EXD2: variants seen among roughly 807,000 people sequenced by gnomAD.
The protein encoded by EXD2 is exonuclease 3'-5' domain-containing protein 2.
A neutral mutation model predicts 62.5 loss-of-function variants in EXD2; 40 were observed. The observed-to-expected ratio is 0.64, with a 90% CI of 0.50 to 0.83. EXD2 has a LOEUF of 0.83. Ranked by LOEUF, EXD2 falls within the 40% of genes least tolerant of loss-of-function variation. EXD2 has a pLI of 0.00. For missense variants in EXD2, 671 were observed against 761.8 expected (o/e 0.88, Z 1.40); for synonymous variants, 239 against 291.9 (o/e 0.82, Z 1.85).
intron 2 of EXD2, among the ~76,000 whole-genome samples, chr14:69,208,521 C>A (rs1255081274): frequency 6.6e-6 from 1 of 152,180 alleles, no homozygotes; most frequent in African/African-American, 2.4e-5. Context: ...AGGCCACTTA[C>A]TATTTACTGT....
chr14:69,208,385 T>G (rs2042687030), intron 2 of EXD2, among the ~76,000 whole-genome samples: 1 of 151,698 alleles, frequency 6.6e-6, no homozygotes, highest in Non-Finnish European at 1.5e-5. Flanking sequence ...TAATTTCTTG[T>G]CTTTTTAGTA....
chr14:69,228,972 G>A lies in EXD2; in HGVS notation c.490G>A (p.Val164Ile), dbSNP rs1384302979. The A allele has an allele frequency of 1.2e-6, 2 of 1,614,140 alleles. No homozygotes were observed. The highest frequency in any genetic ancestry group is 8.5e-7 in the Non-Finnish European group (1 of 1,180,048). ...DILADGTILK[V>I]GVGCSEDASK... ...TTTGGCAGATGGCACCATTTTGAAAGTTGGAGTGGGATGCTCAGAAGATGC... is the reference window on the plus strand; with the variant it reads ...TTTGGCAGATGGCACCATTTTGAAAATTGGAGTGGGATGCTCAGAAGATGC... The change falls in exon 4 of 10, where the codon GTT becomes ATT. Residue 164 changes from valine (V) to isoleucine (I), a missense_variant. Coordinates refer to ENST00000685843, the MANE Select transcript of EXD2 (RefSeq NM_001193360.2).
At position 69,241,013 on chromosome 14, in the gene EXD2, GC is replaced by G. The variant is rs2043967380; in HGVS notation, c.1780del (p.His594ThrfsTer36). On this transcript the variant is annotated frameshift_variant, in exon 10 of 10. Transcript: ENST00000685843. LOFTEE classifies it high-confidence loss of function. Reference sequence around the variant, plus strand: ...ACTTCCTGGACTCCATGCAGCCCAAGCACCTGCCCCAGCAGTGGTCAGTGGA... The same window carrying G: ...ACTTCCTGGACTCCATGCAGCCCAAGACCTGCCCCAGCAGTGGTCAGTGGA... ...QHFLDSMQPK[H>X]LPQQWSVDHN... 6.2e-7 allele frequency: 1 copy of G among 1,613,032 alleles called. No homozygotes were observed. Among genetic ancestry groups the G allele is most frequent in the Non-Finnish European group, 8.5e-7 (1 of 1,180,046 alleles).
chr14:69,194,391 G>A (rs1364684263), intron 1 of EXD2, among the ~76,000 whole-genome samples: 5 of 152,060 alleles, frequency 3.3e-5, no homozygotes, highest in Admixed American at 3.3e-4. Flanking sequence ...ACCTGCCTCG[G>A]CCTCCCAAAG....
intron 3 of EXD2, among the ~76,000 whole-genome samples, chr14:69,210,481 A>G (rs931956518): frequency 2.0e-5 from 3 of 152,190 alleles, no homozygotes; most frequent in South Asian, 2.1e-4. Context: ...AGTGAGTTAC[A>G]TGAGTTTTTT....
intron 1 of EXD2, among the ~76,000 whole-genome samples, chr14:69,192,954 C>T (rs1339820004): frequency 6.6e-6 from 1 of 152,108 alleles, no homozygotes; most frequent in Non-Finnish European, 1.5e-5. Flanking sequence ...GAGCATTTCT[C>T]AAGGATGGGT....
chr14:69,243,885 C>A lies in EXD2; in HGVS notation c.*2785C>A, dbSNP rs1410533416. ...CATTGTGTTTGCAGGTTCAGCATTT[C>A]TTCTTGAGTCCTTCCCTTCTTCCAA... is the stretch of plus-strand genomic sequence containing the variant. On this transcript the variant is annotated 3_prime_UTR_variant, in exon 10 of 10. Transcript: ENST00000685843. 2 of 152,186 alleles carry A rather than the reference C, an allele frequency of 1.3e-5. No individual in the cohort carries two copies. Among genetic ancestry groups the A allele is most frequent in the Non-Finnish European group, 2.9e-5 (2 of 68,050 alleles). 9.4% of individuals were successfully genotyped at this position (152,186 alleles called of 1,614,324 possible).
In EXD2 at chr14:69,218,298, T is replaced by C. The variant is rs1594755996; in HGVS notation, c.333+8495T>C. Among the ~76,000 whole-genome samples, 3 of 152,232 alleles carry C rather than the reference T, an allele frequency of 2.0e-5. No homozygotes were observed. The East Asian group carries it at 5.8e-4, about 29-fold the overall frequency. ...CTCTGATGGCCCGTGATGATGAACA[T>C]TTTTTCATGTGTCTTTTGGCTGCAT... On this transcript the variant is annotated intron_variant, in intron 3 of 9. Transcript: ENST00000685843.
intron 6 of EXD2, chr14:69,235,662 C>A: frequency 3.4e-6 from 1 of 293,470 alleles, no homozygotes; most frequent in South Asian, 3.2e-5. Flanking sequence ...GAAGTAAATC[C>A]ACATGGCCCT....
At chr14:69,202,583 C>CTTA (rs1374633691) in intron 1 of EXD2, among the ~76,000 whole-genome samples, 1 of 151,932 alleles carries the variant, frequency 6.6e-6, no homozygotes, top group Non-Finnish European at 1.5e-5. Flanking sequence ...CAGTGTCTGA[C>CTTA]TTATATAATG....
At chr14:69,210,633 C>T (rs762133650) in intron 3 of EXD2, among the ~76,000 whole-genome samples, 2 of 151,994 alleles carry the variant, frequency 1.3e-5, no homozygotes, top group African/African-American at 2.4e-5. Context: ...GTCAGCATAG[C>T]GAGACTCCAT....
In EXD2 at chr14:69,201,886, T is replaced by C. The variant is rs548827881; in HGVS notation, c.-131-2031T>C. On this transcript the variant is annotated intron_variant, in intron 1 of 9. Transcript: ENST00000685843. ...TTAGTAGAGATGGGGTTTCACCATA[T>C]TGGTCAGCTGGTGTTGAACTCCTGA... Among the ~76,000 whole-genome samples, 6 of 152,032 alleles carry C rather than the reference T, an allele frequency of 3.9e-5. No homozygotes were observed. The South Asian group carries it at 1.2e-3, about 32-fold the overall frequency.
chr14:69,202,481 C>T (rs1175709253), intron 1 of EXD2, among the ~76,000 whole-genome samples: 1 of 152,162 alleles, frequency 6.6e-6, no homozygotes, highest in African/African-American at 2.4e-5. Context: ...CCACTCTTTG[C>T]AACTTGTTCA....
chr14:69,209,352 T>A (rs1175860393), intron 2 of EXD2, 72 bp from the exon 3 acceptor site: 1 of 809,378 alleles, frequency 1.2e-6, no homozygotes, highest in Non-Finnish European at 1.8e-6. Context: ...TGGGGCATTT[T>A]TTAGAGGAAA....
chr14:69,238,605 T>G (rs1218028207), intron 9 of EXD2, among the ~76,000 whole-genome samples: 2 of 152,024 alleles, frequency 1.3e-5, no homozygotes, highest in African/African-American at 4.8e-5. Flanking sequence ...GATAGTTTTT[T>G]TTTTTTTTTT....
intron 3 of EXD2, among the ~76,000 whole-genome samples, chr14:69,227,150 T>C (rs1243179757): frequency 6.6e-6 from 1 of 152,176 alleles, no homozygotes; most frequent in African/African-American, 2.4e-5. Flanking sequence ...TTGTACATTG[T>C]AGGATGTTTA....
At chr14:69,234,191 A>G (rs186413837) in intron 5 of EXD2, among the ~76,000 whole-genome samples, 1 of 151,900 alleles carries the variant, frequency 6.6e-6, no homozygotes, top group African/African-American at 2.4e-5. Context: ...CATGTTTGAA[A>G]CCTATTTGTT....
chr14:69,194,109 C>A (rs1429532178), intron 1 of EXD2, among the ~76,000 whole-genome samples: 1 of 149,042 alleles, frequency 6.7e-6, no homozygotes, highest in Non-Finnish European at 1.5e-5. Context: ...TTGTTGTTTT[C>A]CAAATACTGT....
chr14:69,237,454 G>A, intron 8 of EXD2, 121 bp from the exon 9 acceptor site: 1 of 825,576 alleles, frequency 1.2e-6, no homozygotes, highest in Non-Finnish European at 2.0e-6. Context: ...TTGGGCGGTG[G>A]TGCCCAAGGC....
Sources: gnomAD v4.1 joint callset for allele counts (sites outside exome capture counted in the v4.1 genomes callset) on GRCh38, gnomAD v4.1.1 for gene constraint, MANE v1.5 for transcripts, NCBI Gene and HGNC (gene_info 2026-07-23, HGNC 2026-07-21) for gene names.